The following LIMA1 variants were observed in gnomAD, a reference collection of about 807,000 sequenced individuals.
LIMA1 encodes LIM domain and actin binding 1, also known as LIM domain and actin-binding protein 1.
In LIMA1, 52 loss-of-function variants were observed where a neutral mutation model predicts 62.6. That is an observed-to-expected ratio of 0.83 (90% CI 0.67 to 1.05). LIMA1 has a LOEUF of 1.05. LIMA1 is among the 50% of genes least tolerant of loss of function. The pLI is 0.00. For missense variants in LIMA1, 780 were observed against 902.2 expected (o/e 0.86, Z 1.74); for synonymous variants, 302 against 317.8 (o/e 0.95, Z 0.53).
chr12:50,240,778 A>C (rs1941767062), intron 2 of LIMA1, among the ~76,000 whole-genome samples: 1 of 152,186 alleles, frequency 6.6e-6, no homozygotes, highest in Non-Finnish European at 1.5e-5. Context: ...TTGCGTGCCC[A>C]TGGATGGTAT....
At chr12:50,243,505 G>A (rs935668160) in intron 2 of LIMA1, among the ~76,000 whole-genome samples, 19 of 152,200 alleles carry the variant, frequency 1.2e-4, no homozygotes, top group Non-Finnish European at 2.6e-4. Context: ...TAGTCCTGCA[G>A]TCTTCTTTGG....
At chr12:50,204,774 C>A in intron 5 of LIMA1, 74 bp from the exon 6 acceptor site, 1 of 1,434,800 alleles carries the variant, frequency 7.0e-7, no homozygotes. Context: ...GGCTGAAGTG[C>A]AGTGGCACGA....
intron 7 of LIMA1, chr12:50,196,114 AC>A: frequency 2.2e-6 from 1 of 460,354 alleles, no homozygotes; most frequent in Non-Finnish European, 3.8e-6. Context: ...AACCCGAGAA[AC>A]AGACTGCACT....
chr12:50,263,425 A>G (rs936828577), intron 1 of LIMA1, among the ~76,000 whole-genome samples: 2 of 152,104 alleles, frequency 1.3e-5, no homozygotes, highest in Non-Finnish European at 2.9e-5. Flanking sequence ...TGCAGGTCAC[A>G]ATTAGTGAGT....
At chr12:50,251,690 G>C (rs910777632) in intron 1 of LIMA1, among the ~76,000 whole-genome samples, 1 of 150,844 alleles carries the variant, frequency 6.6e-6, no homozygotes, top group African/African-American at 2.4e-5. Flanking sequence ...GAGATACCGA[G>C]CACGATAAAG....
intron 4 of LIMA1, among the ~76,000 whole-genome samples, chr12:50,206,971 C>CTGGAGTATAGTGATGTGATCT (rs1267570357): frequency 1.5e-4 from 23 of 152,096 alleles, no homozygotes; most frequent in African/African-American, 5.5e-4. Flanking sequence ...GTCACCCAGG[C>CTGGAGTATAGTGATGTGATCT]TGGAGTATAG....
chr12:50,178,966 A>ATTTTTTTTTTTTTTTTTTTTTT (rs1555203081), intron 10 of LIMA1, among the ~76,000 whole-genome samples: 1 of 128,930 alleles, frequency 7.8e-6, no homozygotes. Context: ...ATATATATAT[A>ATTTTTTTTTTTTTTTTTTTTTT]TTTTTTTTTT....
chr12:50,211,606 C>A (rs531767061), intron 4 of LIMA1, among the ~76,000 whole-genome samples: 1 of 151,486 alleles, frequency 6.6e-6, no homozygotes, highest in Non-Finnish European at 1.5e-5. Context: ...GATTGTGCCC[C>A]GGCACTCCAG....
intron 2 of LIMA1, among the ~76,000 whole-genome samples, chr12:50,236,290 ATTTT>A (rs1056967942): frequency 1.4e-5 from 2 of 138,938 alleles, no homozygotes; most frequent in East Asian, 2.3e-4. Context: ...GTAGGAAAAT[ATTTT>A]TTTTTCTTTT....
chr12:50,262,768 A>G (rs1942088176), intron 1 of LIMA1, among the ~76,000 whole-genome samples: 1 of 152,200 alleles, frequency 6.6e-6, no homozygotes, highest in South Asian at 2.1e-4. Flanking sequence ...GCAGTGGGCC[A>G]TGATCACACC....
intron 6 of LIMA1, chr12:50,201,220 A>G (rs1204206140): frequency 1.0e-5 from 11 of 1,054,514 alleles, no homozygotes; most frequent in Non-Finnish European, 1.3e-5. Context: ...TGGTAATGCA[A>G]AGCTTGTGAG....
At chr12:50,195,703 C>T in intron 8 of LIMA1, 127 bp downstream of exon 8, 1 of 854,834 alleles carries the variant, frequency 1.2e-6, no homozygotes, top group East Asian at 2.7e-5. Context: ...CAAGCATTAG[C>T]CCTTAAATTC....
intron 1 of LIMA1, among the ~76,000 whole-genome samples, chr12:50,269,536 TA>T (rs1942178536): frequency 6.6e-6 from 1 of 152,166 alleles, no homozygotes; most frequent in African/African-American, 2.4e-5. Context: ...AACTGATGGT[TA>T]CTACCAGGAA....
intron 4 of LIMA1, among the ~76,000 whole-genome samples, chr12:50,207,889 C>CA (rs60876815): frequency 0.42 from 49,886 of 117,844 alleles, 9,202 homozygotes; most frequent in South Asian, 0.61. Flanking sequence ...GACCCTGTCT[C>CA]AAAAAAAAAA....
rs1401793196 is a variant in LIMA1, at chr12:50,280,144, A to T, written c.-24+3276T>A. On this transcript the variant is annotated intron_variant, in intron 1 of 10. Coordinates refer to ENST00000341247, the MANE Select transcript of LIMA1 (RefSeq NM_016357.5). ...AAGTTCTTAGTTTCAGGGTAGTAGT[A>T]TTTTTTTTTTTTTTTTTTTTTTTTT... is the stretch of plus-strand genomic sequence containing the variant. 3.8e-3 allele frequency among the ~76,000 whole-genome samples: 258 copies of T among 68,118 alleles called. 1 individual carries two copies. The highest frequency in any genetic ancestry group is 0.027 in the Middle Eastern group (2 of 74). 44.7% of individuals were successfully genotyped at this position (68,118 alleles called of 152,430 possible). A position where few individuals can be genotyped will look rare whatever the true frequency, so the allele number is the denominator to read the frequency against.
intron 5 of LIMA1, among the ~76,000 whole-genome samples, chr12:50,205,043 G>T (rs567636287): frequency 6.6e-6 from 1 of 152,030 alleles, no homozygotes; most frequent in African/African-American, 2.4e-5. Flanking sequence ...CACTTTCTTA[G>T]CATTAAAAGA....
At chr12:50,217,017 C>A (rs1381299915) in intron 4 of LIMA1, among the ~76,000 whole-genome samples, 2 of 151,964 alleles carry the variant, frequency 1.3e-5, no homozygotes, top group African/African-American at 2.4e-5. Context: ...ACCAATGCCA[C>A]CTTCCTTTTA....
At chr12:50,235,974 C>G (rs539721509) in intron 2 of LIMA1, among the ~76,000 whole-genome samples, 3 of 151,946 alleles carry the variant, frequency 2.0e-5, no homozygotes, top group African/African-American at 4.8e-5. Flanking sequence ...AAACCAGCCC[C>G]GCCAACCTGG....
intron 4 of LIMA1, among the ~76,000 whole-genome samples, chr12:50,214,413 T>C (rs188570263): frequency 2.9e-4 from 44 of 152,382 alleles, no homozygotes; most frequent in Non-Finnish European, 4.7e-4. Context: ...AAATTAAAGA[T>C]ATACTCCCCT....
Sources: allele counts gnomAD v4.1 joint callset (sites outside exome capture counted in the v4.1 genomes callset), GRCh38; gene constraint gnomAD v4.1.1; transcripts MANE v1.5; gene names NCBI Gene and HGNC (gene_info 2026-07-23, HGNC 2026-07-21).